The following HMCN1 variants were observed in gnomAD, a reference collection of about 807,000 sequenced individuals.
HMCN1 encodes the protein hemicentin-1.
In HMCN1, 321 loss-of-function variants were observed where a neutral mutation model predicts 625.9. The ratio of observed to expected loss-of-function variants is 0.51; its 90% CI spans 0.47 to 0.56. HMCN1 has a LOEUF of 0.56. HMCN1 is among the 20% of genes least tolerant of loss of function. The probability of loss-of-function intolerance (pLI) is 0.00; values close to 1 mark genes in which losing one functional copy is unlikely to be tolerated. For synonymous variants in HMCN1, 2,425 were observed against 2,417.6 expected, an observed-to-expected ratio of 1.00 and a Z score of -0.09; for missense variants, 6,588 against 6,887.3, an observed-to-expected ratio of 0.96 and a Z score of 1.54.
intron 16 of HMCN1, 114 bp downstream of exon 16, chr1:185,978,095 A>C: frequency 1.3e-6 from 1 of 750,640 alleles, no homozygotes; most frequent in Non-Finnish European, 2.2e-6. Flanking sequence ...AACACATTTT[A>C]TGTTCATTGC....
At chr1:186,173,796 G>A (rs1486090171) in intron 102 of HMCN1, among the ~76,000 whole-genome samples, 1 of 152,036 alleles carries the variant, frequency 6.6e-6, no homozygotes, top group Non-Finnish European at 1.5e-5. Flanking sequence ...AACTTTTTAA[G>A]AAGCTACAGC....
At chr1:186,016,708 C>T (rs1282723403) in intron 32 of HMCN1, among the ~76,000 whole-genome samples, 1 of 151,970 alleles carries the variant, frequency 6.6e-6, no homozygotes, top group Non-Finnish European at 1.5e-5. Flanking sequence ...TATGAATCAA[C>T]TTTATATTCA....
At chr1:185,843,842 G>A (rs532015470) in intron 1 of HMCN1, among the ~76,000 whole-genome samples, 69 of 152,160 alleles carry the variant, frequency 4.5e-4, no homozygotes, top group African/African-American at 1.6e-3. Flanking sequence ...TTGAAAACAG[G>A]TGTATATTTG....
chr1:185,953,394 A>G (rs1483944971), intron 11 of HMCN1, among the ~76,000 whole-genome samples: 1 of 151,910 alleles, frequency 6.6e-6, no homozygotes, highest in East Asian at 1.9e-4. Flanking sequence ...CCCTGCAATG[A>G]TTAAACACCA....
Position 185,977,998 on chromosome 1 carries a change from A to C in HMCN1, c.2566+17A>C. The C allele has an allele frequency of 1.3e-6, 2 of 1,557,984 alleles. No individual in the cohort carries two copies. The highest frequency in any genetic ancestry group is 2.2e-5 in the South Asian group (2 of 89,804). ...TTATTTTAAGTAGGTTGAAGGAAAT[A>C]TATTTTGTACGAATATGTACTTTTA... On this transcript the variant is annotated intron_variant, in intron 16 of 106. Transcript: ENST00000271588.
chr1:185,913,083 C>A (rs1481496374), intron 6 of HMCN1, among the ~76,000 whole-genome samples: 2 of 152,050 alleles, frequency 1.3e-5, no homozygotes, highest in African/African-American at 4.8e-5. Flanking sequence ...CCTTGTAACT[C>A]CATTCAAATC....
chr1:185,756,245 C>CTAT (rs749773351), intron 1 of HMCN1, among the ~76,000 whole-genome samples: 3 of 152,134 alleles, frequency 2.0e-5, no homozygotes, highest in Non-Finnish European at 4.4e-5. Context: ...CGGTTTCTTA[C>CTAT]TATTCCCTTT....
At chr1:185,829,886 C>T (rs112400342) in intron 1 of HMCN1, among the ~76,000 whole-genome samples, 335 of 152,318 alleles carry the variant, frequency 2.2e-3, no homozygotes, top group South Asian at 4.8e-3. Context: ...ATTCCTATTT[C>T]TCCACAGCCT....
At chr1:185,961,468 A>G (rs1036858988) in intron 11 of HMCN1, among the ~76,000 whole-genome samples, 2 of 152,220 alleles carry the variant, frequency 1.3e-5, no homozygotes, top group Non-Finnish European at 2.9e-5. Flanking sequence ...TGCAAAAAGC[A>G]GATGTCATTG....
In HMCN1 at chr1:186,110,243, T is replaced by C. The variant is rs544310897; in HGVS notation, c.10989+1646T>C. On this transcript the variant is annotated intron_variant, in intron 71 of 106. Coordinates refer to ENST00000271588, the MANE Select transcript of HMCN1 (RefSeq NM_031935.3). ...ATGGTATAATCTCTTGTTGAAGTCA[T>C]AAGTTTGTAGGAGGTTGACTAGAAA... is the stretch of plus-strand genomic sequence containing the variant. Among the ~76,000 whole-genome samples, 414 of 152,246 alleles carry C rather than the reference T, an allele frequency of 2.7e-3. 4 individuals carry two copies. The South Asian group carries it at 0.028, about 10-fold the overall frequency.
At chr1:186,068,104 T>G (rs1658243899) in intron 50 of HMCN1, 97 bp downstream of exon 50, 5 of 1,176,204 alleles carry the variant, frequency 4.3e-6, no homozygotes, top group Admixed American at 1.7e-5. Flanking sequence ...ACACCAATGT[T>G]TTGTTGGTTG....
intron 25 of HMCN1, among the ~76,000 whole-genome samples, chr1:185,999,483 G>GCTATTCTCAAACAAAGGAT (rs1653030769): frequency 6.6e-6 from 1 of 150,382 alleles, no homozygotes; most frequent in Non-Finnish European, 1.5e-5. Flanking sequence ...ACCATTTCAA[G>GCTATTCTCAAACAAAGGAT]AATTGAGCTA....
chr1:186,109,750 C>T (rs570656929), intron 71 of HMCN1, among the ~76,000 whole-genome samples: 1 of 152,186 alleles, frequency 6.6e-6, no homozygotes, highest in Non-Finnish European at 1.5e-5. Flanking sequence ...AAAAGGAAGG[C>T]TGCTGGTCTG....
chr1:186,083,289 A>G (rs1350533498), intron 57 of HMCN1, among the ~76,000 whole-genome samples: 1 of 152,100 alleles, frequency 6.6e-6, no homozygotes, highest in Non-Finnish European at 1.5e-5. Context: ...TACTCATAAA[A>G]ATCTATCCAC....
At chr1:186,148,584 C>A (rs1280952009) in intron 93 of HMCN1, among the ~76,000 whole-genome samples, 1 of 152,126 alleles carries the variant, frequency 6.6e-6, no homozygotes, top group Non-Finnish European at 1.5e-5. Flanking sequence ...TCTCAGCTCA[C>A]TGCAACCTCT....
At position 186,123,191 on chromosome 1, in the gene HMCN1, G is replaced by A; in HGVS notation, c.12470G>A (p.Ser4157Asn). 2 of 1,613,948 alleles carry A rather than the reference G, an allele frequency of 1.2e-6. No homozygotes were observed. Among genetic ancestry groups the A allele is most frequent in the Non-Finnish European group, 1.7e-6 (2 of 1,179,904 alleles). Reference sequence around the variant, plus strand: ...ATGGCAGCCAATGTAGCAGGATCAAGCAGCACAAGCACCAAGCTCACCGTC... The same window carrying A: ...ATGGCAGCCAATGTAGCAGGATCAAACAGCACAAGCACCAAGCTCACCGTC... ...TCMAANVAGS[S>N]STSTKLTVHV... is the part of the protein sequence containing the mutation. The change falls in exon 81 of 107, where the codon AGC becomes AAC. Residue 4157 changes from serine to asparagine, a missense_variant. By Grantham distance (46) the Ser-to-Asn change is conservative (BLOSUM62 1). Coordinates refer to ENST00000271588, the MANE Select transcript of HMCN1 (RefSeq NM_031935.3).
chr1:186,164,160 G>A (rs951215927), intron 97 of HMCN1, among the ~76,000 whole-genome samples: 8 of 151,870 alleles, frequency 5.3e-5, no homozygotes, highest in African/African-American at 1.9e-4. Flanking sequence ...TGAGCAGGCA[G>A]ACTTGGATGC....
At position 185,953,451 on chromosome 1, in the gene HMCN1, T is replaced by A. The variant is rs181870441; in HGVS notation, c.1829-9067T>A. ...CCATGACCGGCACCGGAGTTTTGGG[T>A]CCACGGATAAAACGTGTCTCCTTTG... On this transcript the variant is annotated intron_variant, in intron 11 of 106. Transcript: ENST00000271588. 1.3e-3 allele frequency among the ~76,000 whole-genome samples: 194 copies of A among 151,876 alleles called. 2 individuals are homozygous for A. Among genetic ancestry groups the A allele is most frequent in the African/African-American group, 4.3e-3 (176 of 41,264 alleles).
chr1:185,922,258 G>A, intron 6 of HMCN1, 121 bp from the exon 7 acceptor site: 1 of 1,071,838 alleles, frequency 9.3e-7, no homozygotes, highest in Non-Finnish European at 1.4e-6. Context: ...TCAGATCAGA[G>A]CCTCAGTTTT....
Sources: gnomAD v4.1 joint callset for allele counts (sites outside exome capture counted in the v4.1 genomes callset) on GRCh38, gnomAD v4.1.1 for gene constraint, MANE v1.5 for transcripts, NCBI Gene and HGNC (gene_info 2026-07-23, HGNC 2026-07-21) for gene names.